Variants in AATF observed in about 807,000 individuals in gnomAD.
The protein encoded by AATF is apoptosis antagonizing transcription factor.
In AATF, 48 loss-of-function variants were observed where a neutral mutation model predicts 63.7. The observed-to-expected ratio is 0.75, with a 90% CI of 0.60 to 0.96. The LOEUF (loss-of-function observed/expected upper bound fraction) is 0.96, where lower values mean the gene tolerates loss of function less well. Among genes scored for constraint, AATF ranks in the 40% least tolerant of loss-of-function variants. AATF has a pLI of 0.00. For missense variants in AATF, 639 were observed against 685.7 expected (o/e 0.93, Z 0.76); for synonymous variants, 258 against 247.7 (o/e 1.04, Z -0.39).
chr17:37,008,537 C>G (rs1296926405), intron 8 of AATF, among the ~76,000 whole-genome samples: 2 of 152,168 alleles, frequency 1.3e-5, no homozygotes, highest in East Asian at 1.9e-4. Context: ...TTTGACAAGC[C>G]TATTTCATAG....
chr17:36,965,363 A>G (rs139011745), intron 4 of AATF, among the ~76,000 whole-genome samples: 8 of 151,830 alleles, frequency 5.3e-5, no homozygotes, highest in African/African-American at 1.7e-4. Flanking sequence ...CATCTCTCCA[A>G]CCTCTCCTTT....
At chr17:36,994,296 GTAAA>G (rs1221806571) in intron 8 of AATF, among the ~76,000 whole-genome samples, 10 of 152,118 alleles carry the variant, frequency 6.6e-5, no homozygotes, top group African/African-American at 2.4e-4. Flanking sequence ...TTTTCACTTT[GTAAA>G]TAAATAAGCT....
chr17:37,018,891 T>C (rs2071447751), intron 8 of AATF, 114 bp from the exon 9 acceptor site: 7 of 811,038 alleles, frequency 8.6e-6, no homozygotes, highest in Admixed American at 1.9e-5. Flanking sequence ...TTGTCCCTTA[T>C]TGATTGTAGT....
chr17:37,040,730 C>T (rs1196735187), intron 11 of AATF, among the ~76,000 whole-genome samples: 2 of 132,724 alleles, frequency 1.5e-5, no homozygotes, highest in Non-Finnish European at 3.2e-5. Context: ...GGGGGAACTT[C>T]TTTAGATTAA....
chr17:36,989,879 C>A lies in AATF; in HGVS notation c.1314+468C>A, dbSNP rs895442556. 2.6e-5 allele frequency among the ~76,000 whole-genome samples: 4 copies of A among 151,900 alleles called. No individual in the cohort carries two copies. In the East Asian group the frequency reaches 7.7e-4, roughly 29 times the overall value. ...TACTTAATCCTTTTTTAGTTTATAG[C>A]AACTTAAAATGAAAAGCAAAATTCT... On this transcript the variant is annotated intron_variant, in intron 7 of 11. Transcript: ENST00000619387.
intron 8 of AATF, among the ~76,000 whole-genome samples, chr17:36,998,305 G>A (rs959928120): frequency 2.0e-5 from 3 of 152,162 alleles, no homozygotes; most frequent in Non-Finnish European, 2.9e-5. Context: ...AGACCATCAA[G>A]TCCAAACTCT....
chr17:37,044,112 GATT>G (rs1466982671), intron 11 of AATF, among the ~76,000 whole-genome samples: 1 of 152,160 alleles, frequency 6.6e-6, no homozygotes, highest in African/African-American at 2.4e-5. Context: ...CTGTTTACAA[GATT>G]ATTTTTGCAA....
intron 11 of AATF, among the ~76,000 whole-genome samples, chr17:37,042,035 T>C (rs2071644632): frequency 6.6e-6 from 1 of 152,178 alleles, no homozygotes; most frequent in African/African-American, 2.4e-5. Flanking sequence ...AGTTTTGACT[T>C]TTCTTTATGA....
chr17:37,056,813 G>T lies in AATF; in HGVS notation c.*149G>T, dbSNP rs1232846267. The T allele has an allele frequency of 3.9e-6, 3 of 773,738 alleles. No homozygotes were observed. The highest frequency in any genetic ancestry group is 2.8e-5 in the Admixed American group (1 of 35,474). 47.9% of individuals were successfully genotyped at this position (773,738 alleles called of 1,614,324 possible). ...GAACCTGTGCCTAATACACGCAAGG[G>T]CGCTGTCCCGCCCAACCCCGCCTTT... is the stretch of plus-strand genomic sequence containing the variant. On this transcript the variant is annotated 3_prime_UTR_variant, in exon 12 of 12. Transcript: ENST00000619387.
At chr17:37,010,736 AGAG>A (rs1456981869) in intron 8 of AATF, among the ~76,000 whole-genome samples, 11 of 152,176 alleles carry the variant, frequency 7.2e-5, no homozygotes, top group African/African-American at 2.4e-4. Flanking sequence ...ACAAATGAGT[AGAG>A]GAGGAGGCGT....
chr17:37,040,239 A>G (rs2071626251), intron 11 of AATF, among the ~76,000 whole-genome samples: 1 of 152,190 alleles, frequency 6.6e-6, no homozygotes, highest in South Asian at 2.1e-4. Context: ...TAATCATGTT[A>G]TTGATGTGCC....
At chr17:37,028,083 A>G (rs1189280998) in intron 10 of AATF, among the ~76,000 whole-genome samples, 2 of 152,192 alleles carry the variant, frequency 1.3e-5, no homozygotes, top group Admixed American at 6.5e-5. Flanking sequence ...AAGTTTACAT[A>G]TACATACCTT....
rs528723246 is a variant in AATF at position 37,056,538 on chromosome 17, G to A, written c.1620-63G>A. The stretch of plus-strand genomic sequence containing the variant: ...GAATGGGGTATTTTCCAGCTTCTGC[G>A]TTCCTTTTTAACCTTGAATAGTGAA... On this transcript the variant is annotated intron_variant, in intron 11 of 11. Coordinates refer to ENST00000619387, the MANE Select transcript of AATF (RefSeq NM_012138.4). 1.1e-4 allele frequency: 163 copies of A among 1,551,180 alleles called. 1 individual carries two copies. The South Asian group carries it at 1.4e-3, about 14-fold the overall frequency.
At position 36,988,533 on chromosome 17, in the gene AATF, G is replaced by A; in HGVS notation, c.962G>A (p.Ser321Asn). 6.2e-7 allele frequency: 1 copy of A among 1,614,056 alleles called. No individual in the cohort carries two copies. The highest frequency in any genetic ancestry group is 8.5e-7 in the Non-Finnish European group (1 of 1,179,994). Residue 321 changes from serine (S) to asparagine (N), a missense_variant, in exon 6 of 12, where the codon AGT (serine) becomes AAT (asparagine). Physicochemically the swap from Ser to Asn is conservative, Grantham distance 46. Transcript: ENST00000619387. ...KPNAGSEEISSEDDELVEEKK... is the reference protein window; with the variant it reads ...KPNAGSEEISNEDDELVEEKK... ...TGCTTTTCTAGTGAGGAGATTTCTAGTGAAGATGATGAGCTGGTAGAAGAG... is the reference window on the plus strand; with the variant it reads ...TGCTTTTCTAGTGAGGAGATTTCTAATGAAGATGATGAGCTGGTAGAAGAG...
intron 4 of AATF, among the ~76,000 whole-genome samples, chr17:36,962,673 G>C (rs576789724): frequency 6.6e-6 from 1 of 152,052 alleles, no homozygotes; most frequent in South Asian, 2.1e-4. Context: ...AGTTAGATAA[G>C]AAAGTAGCCC....
intron 11 of AATF, among the ~76,000 whole-genome samples, chr17:37,049,217 A>G (rs2071724127): frequency 1.3e-5 from 2 of 152,162 alleles, no homozygotes; most frequent in South Asian, 4.1e-4. Context: ...TTGTGATACC[A>G]TGCTCTATGC....
At chr17:37,016,027 C>T (rs1166468060) in intron 8 of AATF, among the ~76,000 whole-genome samples, 1 of 152,174 alleles carries the variant, frequency 6.6e-6, no homozygotes, top group African/African-American at 2.4e-5. Context: ...CTTTTTCCCA[C>T]CTTGCGTGGT....
Position 37,028,522 on chromosome 17 carries a change from A to G in AATF, c.1548-3092A>G, listed in dbSNP as rs564612688. Among the ~76,000 whole-genome samples the G allele has an allele frequency of 6.0e-4, 92 of 152,330 alleles. 2 individuals are homozygous for G. The South Asian group carries it at 0.014, about 23-fold the overall frequency. On this transcript the variant is annotated intron_variant, in intron 10 of 11. Coordinates refer to ENST00000619387, the MANE Select transcript of AATF (RefSeq NM_012138.4). ...AGAATTAGACTGGGCATGGTGGCTC[A>G]CGCCTGTAATCCGAGCACTTTTGGA...
intron 8 of AATF, among the ~76,000 whole-genome samples, chr17:36,992,524 A>AT (rs1339337000): frequency 1.3e-5 from 2 of 152,158 alleles, no homozygotes; most frequent in African/African-American, 2.4e-5. Flanking sequence ...ACATTGTTCG[A>AT]TGAAAAGTGC....
Sources: allele counts gnomAD v4.1 joint callset (sites outside exome capture counted in the v4.1 genomes callset), GRCh38; gene constraint gnomAD v4.1.1; transcripts MANE v1.5; gene names NCBI Gene and HGNC (gene_info 2026-07-23, HGNC 2026-07-21).